Variants in ESRRB observed in about 807,000 individuals in gnomAD.
The protein encoded by ESRRB is steroid hormone receptor ERR2.
ESRRB carries 16 observed loss-of-function variants against 46.0 expected under a neutral mutation model. The observed-to-expected ratio is 0.35, with a 90% CI of 0.24 to 0.53. The LOEUF (loss-of-function observed/expected upper bound fraction) is 0.53. Among genes scored for constraint, ESRRB ranks in the 20% least tolerant of loss-of-function variants. The pLI is 0.93. For synonymous variants in ESRRB, 246 were observed against 259.6 expected (o/e 0.95, Z 0.50); for missense variants, 488 against 607.4 (o/e 0.80, Z 2.07).
At chr14:76,440,468 T>C (rs1026923410) in intron 2 of ESRRB, among the ~76,000 whole-genome samples, 21 of 152,120 alleles carry the variant, frequency 1.4e-4, no homozygotes, top group African/African-American at 4.8e-4. Context: ...ATTTTCTCAC[T>C]GTAGAAGACT....
At chr14:76,334,939 G>A (rs574558544) in intron 1 of ESRRB, among the ~76,000 whole-genome samples, 1 of 152,164 alleles carries the variant, frequency 6.6e-6, no homozygotes, top group Non-Finnish European at 1.5e-5. Context: ...GTATGGAGGT[G>A]ACTCCTAGGC....
intron 1 of ESRRB, among the ~76,000 whole-genome samples, chr14:76,317,713 C>T (rs907381115): frequency 6.6e-6 from 1 of 152,196 alleles, no homozygotes; most frequent in African/African-American, 2.4e-5. Context: ...ACCAGGCGGT[C>T]CAGCCCAGTT....
chr14:76,330,322 A>G (rs145050425), intron 1 of ESRRB, among the ~76,000 whole-genome samples: 11 of 152,186 alleles, frequency 7.2e-5, no homozygotes, highest in Admixed American at 6.5e-4. Context: ...TCCTGGACCT[A>G]CGTTTTCATC....
chr14:76,345,553 G>T (rs1349250448), intron 1 of ESRRB, among the ~76,000 whole-genome samples: 1 of 152,194 alleles, frequency 6.6e-6, no homozygotes, highest in Non-Finnish European at 1.5e-5. Flanking sequence ...GTAGATGTTG[G>T]CATGGATGCT....
intron 1 of ESRRB, among the ~76,000 whole-genome samples, chr14:76,354,224 GCC>G (rs1371208828): frequency 1.4e-4 from 5 of 34,564 alleles, no homozygotes; most frequent in South Asian, 1.2e-3. Flanking sequence ...TCCTCTACCC[GCC>G]CCCCCCCCCA....
At chr14:76,426,987 G>T (rs1887230823) in intron 1 of ESRRB, among the ~76,000 whole-genome samples, 1 of 152,234 alleles carries the variant, frequency 6.6e-6, no homozygotes, top group Admixed American at 6.5e-5. Context: ...CAGTGTCAGG[G>T]AATCAGGCCA....
At chr14:76,417,379 T>G (rs1267677319) in intron 1 of ESRRB, among the ~76,000 whole-genome samples, 1 of 151,978 alleles carries the variant, frequency 6.6e-6, no homozygotes, top group African/African-American at 2.4e-5. Flanking sequence ...GATGTGAAGT[T>G]GGAAAGGTGG....
At position 76,411,348 on chromosome 14, in the gene ESRRB, C is replaced by T. The variant is rs539363285; in HGVS notation, c.51-27993C>T. Among the ~76,000 whole-genome samples the T allele has an allele frequency of 1.3e-4, 19 of 151,860 alleles. No individual in the cohort carries two copies. The South Asian group carries it at 2.9e-3, about 23-fold the overall frequency. ...CTGTAATCCCAGCTACTCGGGAGGC[C>T]GAGGCAGGAGAATCACTTGAATCTG... On this transcript the variant is annotated intron_variant, in intron 1 of 6. Coordinates refer to ENST00000644823, the MANE Select transcript of ESRRB (RefSeq NM_001379180.1).
At chr14:76,411,006 ACTC>A (rs1886412958) in intron 1 of ESRRB, among the ~76,000 whole-genome samples, 1 of 148,406 alleles carries the variant, frequency 6.7e-6, no homozygotes. Context: ...CTGGTCTTGA[ACTC>A]CTGATCTCAG....
chr14:76,433,257 C>T (rs987953089), intron 1 of ESRRB, among the ~76,000 whole-genome samples: 3 of 152,118 alleles, frequency 2.0e-5, no homozygotes, highest in Admixed American at 2.0e-4. Flanking sequence ...AAAGCTGACA[C>T]GTATTTTGTG....
chr14:76,416,015 A>G (rs1027484288), intron 1 of ESRRB, among the ~76,000 whole-genome samples: 2 of 152,204 alleles, frequency 1.3e-5, no homozygotes, highest in African/African-American at 4.8e-5. Context: ...GTATTAAATA[A>G]TTTGAAGGTA....
In ESRRB at chr14:76,500,726, T is replaced by C. The variant is rs553850073; in HGVS notation, c.*2268T>C. 3 of 1,613,964 alleles carry C rather than the reference T, an allele frequency of 1.9e-6. No individual in the cohort carries two copies. In the Admixed American group the frequency reaches 5.0e-5, roughly 27 times the overall value. ...CATCTCTGGCTCACCATGTAACATCTGGCTTGGAGCAAGTGGGTGTTCTGC... is the reference window on the plus strand; with the variant it reads ...CATCTCTGGCTCACCATGTAACATCCGGCTTGGAGCAAGTGGGTGTTCTGC... On this transcript the variant is annotated 3_prime_UTR_variant, in exon 7 of 7. Coordinates refer to ENST00000644823, the MANE Select transcript of ESRRB (RefSeq NM_001379180.1).
intron 1 of ESRRB, among the ~76,000 whole-genome samples, chr14:76,384,295 A>G (rs1051187623): frequency 1.3e-5 from 2 of 152,198 alleles, no homozygotes; most frequent in Non-Finnish European, 2.9e-5. Context: ...TGATGGTTAT[A>G]ATAATTGTGA....
rs1200751831 is a variant in ESRRB at position 76,486,782 on chromosome 14, G to A, written c.850+4023G>A. 2.6e-5 allele frequency among the ~76,000 whole-genome samples: 4 copies of A among 152,268 alleles called. No homozygotes were observed. The East Asian group carries it at 7.8e-4, about 30-fold the overall frequency. ...CTGCCTGCAGTGAGCCCGGCACAGG[G>A]ACACCCCTGCACTCCCAGGGGCACG... On this transcript the variant is annotated intron_variant, in intron 5 of 6. Transcript: ENST00000644823.
chr14:76,491,299 A>T, intron 5 of ESRRB, 148 bp from the exon 6 acceptor site: 1 of 725,980 alleles, frequency 1.4e-6, no homozygotes, highest in East Asian at 2.7e-5. Context: ...TACGCTACAC[A>T]GGGAAAGCCT....
intron 1 of ESRRB, among the ~76,000 whole-genome samples, chr14:76,401,892 G>A (rs890909746): frequency 5.3e-5 from 8 of 152,152 alleles, no homozygotes; most frequent in African/African-American, 1.9e-4. Context: ...CATGATTATG[G>A]AAGCCGACAA....
At chr14:76,443,165 TA>T (rs879816660) in intron 2 of ESRRB, among the ~76,000 whole-genome samples, 15 of 152,042 alleles carry the variant, frequency 9.9e-5, no homozygotes, top group Admixed American at 3.9e-4. Flanking sequence ...ATAAACATGA[TA>T]AAAAAAATTC....
At chr14:76,381,064 G>A (rs1391505438) in intron 1 of ESRRB, among the ~76,000 whole-genome samples, 1 of 152,146 alleles carries the variant, frequency 6.6e-6, no homozygotes, top group African/African-American at 2.4e-5. Flanking sequence ...AGACCTCTGG[G>A]GACAGTCACA....
chr14:76,458,935 C>T (rs182974037), intron 2 of ESRRB, among the ~76,000 whole-genome samples: 1 of 151,092 alleles, frequency 6.6e-6, no homozygotes, highest in Non-Finnish European at 1.5e-5. Context: ...CCCTCTGGCT[C>T]CTGGGTTCAA....
Sources: gnomAD v4.1 joint callset for allele counts (sites outside exome capture counted in the v4.1 genomes callset) on GRCh38, gnomAD v4.1.1 for gene constraint, MANE v1.5 for transcripts, NCBI Gene and HGNC (gene_info 2026-07-23, HGNC 2026-07-21) for gene names.